The following TRPM7 variants were observed in gnomAD, a reference collection of about 807,000 sequenced individuals.
TRPM7 encodes transient receptor potential cation channel subfamily M member 7.
A neutral mutation model predicts 229.7 loss-of-function variants in TRPM7; 134 were observed. The observed-to-expected ratio is 0.58, with a 90% CI of 0.51 to 0.67. TRPM7 has a LOEUF of 0.67. TRPM7 is among the 30% of genes least tolerant of loss of function. TRPM7 has a pLI of 0.00. For missense variants in TRPM7, 1,901 were observed against 2,210.0 expected, an observed-to-expected ratio of 0.86 and a Z score of 2.80; for synonymous variants, 699 against 715.2, an observed-to-expected ratio of 0.98 and a Z score of 0.36.
At chr15:50,590,802 C>T (rs948180755) in intron 26 of TRPM7, among the ~76,000 whole-genome samples, 6 of 142,010 alleles carry the variant, frequency 4.2e-5, no homozygotes, top group Non-Finnish European at 9.0e-5. Flanking sequence ...CCCGCCTGGG[C>T]GACAGAGGGA....
At chr15:50,578,591 A>G (rs767285438) in intron 31 of TRPM7, 48 bp downstream of exon 31, 2 of 1,574,754 alleles carry the variant, frequency 1.3e-6, no homozygotes, top group South Asian at 2.3e-5. Context: ...GTAACAGATC[A>G]TGTAAGATTC....
chr15:50,682,265 C>T (rs2062258889), intron 1 of TRPM7, among the ~76,000 whole-genome samples: 1 of 150,122 alleles, frequency 6.7e-6, no homozygotes, highest in South Asian at 2.1e-4. Context: ...CTTACCTCCA[C>T]ACACCAAAAT....
chr15:50,639,325 GTATAA>G (rs1266630834), intron 6 of TRPM7, 94 bp downstream of exon 6: 45 of 1,073,724 alleles, frequency 4.2e-5, no homozygotes, highest in Non-Finnish European at 5.3e-5. Context: ...AATTTGAAAA[GTATAA>G]TATAATCATA....
intron 36 of TRPM7, among the ~76,000 whole-genome samples, chr15:50,570,827 C>A (rs1239084698): frequency 6.6e-6 from 1 of 151,448 alleles, no homozygotes; most frequent in Non-Finnish European, 1.5e-5. Context: ...TGCACTCTAG[C>A]CTGGGCAACA....
At chr15:50,678,426 C>T (rs1196562517) in intron 1 of TRPM7, among the ~76,000 whole-genome samples, 1 of 150,624 alleles carries the variant, frequency 6.6e-6, no homozygotes, top group Non-Finnish European at 1.5e-5. Context: ...TAAGCTGGCA[C>T]TCTCTGACTT....
chr15:50,639,634 A>C (rs1025582473), intron 5 of TRPM7, 86 bp from the exon 6 acceptor site: 5 of 1,245,380 alleles, frequency 4.0e-6, no homozygotes, highest in African/African-American at 1.5e-5. Flanking sequence ...TGGCGCAATG[A>C]CAGCTCACTG....
chr15:50,589,543 G>A (rs757051897), intron 27 of TRPM7, 49 bp downstream of exon 27: 4 of 1,270,436 alleles, frequency 3.1e-6, no homozygotes, highest in Non-Finnish European at 4.5e-6. Flanking sequence ...TAAACATCAA[G>A]ACAGTAAAAT....
At chr15:50,593,155 G>A (rs1352907833) in intron 25 of TRPM7, among the ~76,000 whole-genome samples, 5 of 152,034 alleles carry the variant, frequency 3.3e-5, no homozygotes, top group African/African-American at 1.2e-4. Context: ...TGGGTGTGGT[G>A]GTGCACGCCG....
At chr15:50,666,313 G>GC in intron 1 of TRPM7, among the ~76,000 whole-genome samples, 1 of 151,814 alleles carries the variant, frequency 6.6e-6, no homozygotes, top group Admixed American at 6.6e-5. Context: ...GATGGCACGT[G>GC]CCTGTAGACC....
At chr15:50,639,971 A>G (rs1345145869) in intron 5 of TRPM7, among the ~76,000 whole-genome samples, 1 of 152,194 alleles carries the variant, frequency 6.6e-6, no homozygotes, top group Non-Finnish European at 1.5e-5. Context: ...ACAAGGACCA[A>G]AAAGGAACAA....
intron 27 of TRPM7, among the ~76,000 whole-genome samples, chr15:50,587,854 C>G (rs2059382969): frequency 1.3e-5 from 2 of 152,122 alleles, no homozygotes; most frequent in Non-Finnish European, 2.9e-5. Flanking sequence ...TACTTCAACC[C>G]TATATGGAAT....
chr15:50,670,815 A>AG (rs1270833769), intron 1 of TRPM7, among the ~76,000 whole-genome samples: 1 of 151,728 alleles, frequency 6.6e-6, no homozygotes, highest in African/African-American at 2.4e-5. Flanking sequence ...AAAAAGAAAA[A>AG]AAAAAAAAAA....
At chr15:50,602,844 C>T (rs3858903) in intron 21 of TRPM7, among the ~76,000 whole-genome samples, 16,266 of 152,148 alleles carry the variant, frequency 0.11, 1,755 homozygotes, top group African/African-American at 0.28. Flanking sequence ...AAATGACTAG[C>T]TGACAAGGAG....
rs146717680 is a variant in TRPM7 at position 50,661,418 on chromosome 15, A to G, written c.83+1549T>C. On this transcript the variant is annotated intron_variant, in intron 2 of 38. Coordinates refer to ENST00000646667, the MANE Select transcript of TRPM7 (RefSeq NM_017672.6). Reference sequence around the variant, plus strand: ...AAGCCACCAAATGTTATTAATAATGACAGTCTTAATGTATTGAAACTCTAC... The same window carrying G: ...AAGCCACCAAATGTTATTAATAATGGCAGTCTTAATGTATTGAAACTCTAC... 1.9e-3 allele frequency among the ~76,000 whole-genome samples: 291 copies of G among 152,324 alleles called. 1 individual carries two copies. Among genetic ancestry groups the G allele is most frequent in the African/African-American group, 6.4e-3 (267 of 41,582 alleles).
chr15:50,593,560 A>T (rs1270338692), intron 25 of TRPM7, 57 bp downstream of exon 25: 1 of 1,546,548 alleles, frequency 6.5e-7, no homozygotes, highest in Non-Finnish European at 8.8e-7. Context: ...TATAAGAAAT[A>T]TAACGAATAG....
chr15:50,651,853 C>T (rs1010612717), intron 3 of TRPM7, among the ~76,000 whole-genome samples: 2 of 151,830 alleles, frequency 1.3e-5, no homozygotes, highest in African/African-American at 2.4e-5. Flanking sequence ...CGCCACTGCA[C>T]ATCCAGCCTG....
chr15:50,578,848 ATC>A (rs772857449), intron 30 of TRPM7, among the ~76,000 whole-genome samples, 184 bp from the exon 31 acceptor site: 1 of 150,582 alleles, frequency 6.6e-6, no homozygotes, highest in Admixed American at 6.6e-5. Flanking sequence ...AGATATATAT[ATC>A]TATATATATA....
At position 50,591,880 on chromosome 15, in the gene TRPM7, T is replaced by A. The variant is rs1172108009; in HGVS notation, c.4324+31A>T. ...TTCTAAGGTGAAAAGTAAATAATAT[T>A]GATATACAAATACGAATTTGCCAAA... On this transcript the variant is annotated intron_variant, in intron 26 of 38. Coordinates refer to ENST00000646667, the MANE Select transcript of TRPM7 (RefSeq NM_017672.6). The A allele has an allele frequency of 1.1e-5, 15 of 1,402,244 alleles. No individual in the cohort carries two copies. In the South Asian group the frequency reaches 2.1e-4, roughly 19 times the overall value. The allele number at this position is 1,402,244 out of a possible 1,614,324, so 86.9% of individuals were successfully genotyped here.
In TRPM7 at chr15:50,560,012, C is replaced by CAAAAAAAAAAA. The variant is rs34461633; in HGVS notation, c.*1655_*1665dup. ...CAAGCAACAGAGCGAGACTCCGTCTCAAAAAAAAAAAAAAAAAAAAAAGTA... is the reference window on the plus strand; with the variant it reads ...CAAGCAACAGAGCGAGACTCCGTCTCAAAAAAAAAAAAAAAAAAAAAAAAAAAAAAAAAGTA... On this transcript the variant is annotated 3_prime_UTR_variant, in exon 39 of 39. Transcript: ENST00000646667. 2.5e-5 allele frequency: 2 copies of CAAAAAAAAAAA among 79,830 alleles called. No individual in the cohort carries two copies. The highest frequency in any genetic ancestry group is 3.3e-4 in the East Asian group (1 of 3,012). The allele number at this position is 79,830 out of a possible 1,614,324, so 4.9% of individuals were successfully genotyped here.
Sources: gnomAD v4.1 joint callset for allele counts (sites outside exome capture counted in the v4.1 genomes callset) on GRCh38, gnomAD v4.1.1 for gene constraint, MANE v1.5 for transcripts, NCBI Gene and HGNC (gene_info 2026-07-23, HGNC 2026-07-21) for gene names.